Variants in LINGO2 observed in about 807,000 individuals in gnomAD.
LINGO2 encodes leucine rich repeat and Ig domain containing 2, also known as leucine-rich repeat and immunoglobulin-like domain-containing nogo receptor-interacting protein 2.
In LINGO2, 14 loss-of-function variants were observed where a neutral mutation model predicts 30.6. The ratio of observed to expected loss-of-function variants is 0.46; its 90% CI spans 0.30 to 0.72. LINGO2 has a LOEUF of 0.72. LINGO2 is among the 30% of genes least tolerant of loss of function. The pLI is 0.07. For missense variants in LINGO2, 729 were observed against 751.7 expected (o/e 0.97, Z 0.35); for synonymous variants, 317 against 288.5 (o/e 1.10, Z -1.00).
intron 4 of LINGO2, among the ~76,000 whole-genome samples, chr9:28,045,004 A>AGT (rs906383109): frequency 2.6e-4 from 39 of 152,184 alleles, no homozygotes; most frequent in Admixed American, 2.4e-3. Context: ...TCGTAATCCC[A>AGT]GTGTGCCAGT....
the LINGO2 span, among the ~76,000 whole-genome samples, chr9:29,087,432 A>T: frequency 2.6e-5 from 4 of 152,232 alleles, no homozygotes; most frequent in East Asian, 1.9e-4. Flanking sequence ...TGGAAACTAC[A>T]TTATACAGTT....
exon 6 of LINGO2, chr9:27,949,050 A>C: frequency 6.2e-7 from 1 of 1,614,108 alleles, no homozygotes; most frequent in Non-Finnish European, 8.5e-7. Flanking sequence ...AGACACCAGT[A>C]TTGTTTTAAG....
At chr9:29,031,911 T>A in the LINGO2 span, among the ~76,000 whole-genome samples, 1 of 152,228 alleles carries the variant, frequency 6.6e-6, no homozygotes, top group East Asian at 1.9e-4. Flanking sequence ...AAATAGTGAA[T>A]TGTAGGTGAC....
intron 3 of LINGO2, among the ~76,000 whole-genome samples, chr9:28,315,414 A>AT (rs1824806692): frequency 6.6e-6 from 1 of 151,942 alleles, no homozygotes; most frequent in African/African-American, 2.4e-5. Context: ...GGAAAAAAAA[A>AT]AAAAAATGAC....
chr9:29,005,314 T>TAC, the LINGO2 span, among the ~76,000 whole-genome samples: 281 of 151,248 alleles, frequency 1.9e-3, 1 homozygote, highest in African/African-American at 6.3e-3. Flanking sequence ...CACACTTAAA[T>TAC]ACACACACAC....
chr9:28,919,338 T>C, the LINGO2 span, among the ~76,000 whole-genome samples: 9 of 152,166 alleles, frequency 5.9e-5, no homozygotes, highest in Non-Finnish European at 1.0e-4. Flanking sequence ...TTACTACATT[T>C]TCTGCCTCAG....
intron 2 of LINGO2, among the ~76,000 whole-genome samples, chr9:28,419,462 G>A (rs1308999254): frequency 2.6e-5 from 4 of 152,002 alleles, no homozygotes; most frequent in Admixed American, 2.0e-4. Context: ...AATGTAAGCT[G>A]TTGTATAAAG....
the LINGO2 span, among the ~76,000 whole-genome samples, chr9:29,097,583 G>A: frequency 7.2e-6 from 1 of 138,458 alleles, no homozygotes; most frequent in Non-Finnish European, 1.6e-5. Context: ...AAACTTTACT[G>A]TTACACCAAT....
the LINGO2 span, among the ~76,000 whole-genome samples, chr9:28,702,496 T>C: frequency 6.6e-6 from 1 of 151,892 alleles, no homozygotes; most frequent in African/African-American, 2.4e-5. Flanking sequence ...CACTTGGTTC[T>C]GTTGTATAAT....
intron 3 of LINGO2, among the ~76,000 whole-genome samples, chr9:28,297,163 C>T (rs1228030687): frequency 2.0e-5 from 3 of 152,036 alleles, no homozygotes; most frequent in Admixed American, 6.6e-5. Flanking sequence ...AGTGACTTAG[C>T]GCCACTTCTC....
chr9:28,510,949 T>C (rs1044044757), intron 1 of LINGO2, among the ~76,000 whole-genome samples: 3 of 152,194 alleles, frequency 2.0e-5, no homozygotes, highest in African/African-American at 7.2e-5. Context: ...GGGAGAAAGA[T>C]ATAGACTGTG....
chr9:28,916,665 GTC>G, the LINGO2 span, among the ~76,000 whole-genome samples: 1 of 152,166 alleles, frequency 6.6e-6, no homozygotes, highest in Non-Finnish European at 1.5e-5. Context: ...TGACGTTTAT[GTC>G]TCTCTATAAC....
At chr9:28,243,355 G>A (rs1384893064) in intron 4 of LINGO2, among the ~76,000 whole-genome samples, 2 of 151,892 alleles carry the variant, frequency 1.3e-5, no homozygotes, top group East Asian at 1.9e-4. Flanking sequence ...AGCTACTCAG[G>A]AGGCTGAGGC....
At position 28,122,425 on chromosome 9, in the gene LINGO2, T is replaced by C. The variant is rs1360462173; in HGVS notation, c.-86-110020A>G. 2.0e-5 allele frequency among the ~76,000 whole-genome samples: 3 copies of C among 152,334 alleles called. No homozygotes were observed. The East Asian group carries it at 5.8e-4, about 29-fold the overall frequency. Reference sequence around the variant, plus strand: ...CATTCCAAATAAATGAAAAATCTTATTGAAACTCACATCTTACAGGATACC... The same window carrying C: ...CATTCCAAATAAATGAAAAATCTTACTGAAACTCACATCTTACAGGATACC... On this transcript the variant is annotated intron_variant, in intron 4 of 5. Coordinates refer to ENST00000379992, the Ensembl canonical transcript of LINGO2.
At chr9:27,999,591 T>G (rs1326537853) in intron 5 of LINGO2, among the ~76,000 whole-genome samples, 2 of 152,158 alleles carry the variant, frequency 1.3e-5, no homozygotes, top group African/African-American at 4.8e-5. Context: ...AGTGGGTCAC[T>G]TCTTTCCTCT....
At chr9:28,560,392 G>T (rs1314788019) in intron 1 of LINGO2, among the ~76,000 whole-genome samples, 1 of 152,026 alleles carries the variant, frequency 6.6e-6, no homozygotes, top group East Asian at 1.9e-4. Flanking sequence ...AATTCTTCAG[G>T]CTATCAGCCT....
chr9:28,755,856 G>C, the LINGO2 span, among the ~76,000 whole-genome samples: 1 of 152,050 alleles, frequency 6.6e-6, no homozygotes, highest in African/African-American at 2.4e-5. Flanking sequence ...ATTTGCACTG[G>C]TGGAGATAAT....
rs1457190225 is a variant in LINGO2, at chr9:28,091,666, A to G, written c.-86-79261T>C. Among the ~76,000 whole-genome samples, 4 of 152,180 alleles carry G rather than the reference A, an allele frequency of 2.6e-5. No homozygotes were observed. The East Asian group carries it at 7.7e-4, about 29-fold the overall frequency. On this transcript the variant is annotated intron_variant, in intron 4 of 5. Transcript: ENST00000379992. ...CAAGGACTTCATGTCTAAAACACCA[A>G]AAGCAATGGCAACAAAAGCCAATAT...
intron 3 of LINGO2, among the ~76,000 whole-genome samples, chr9:28,298,215 T>G (rs2134195553): frequency 6.6e-6 from 1 of 151,930 alleles, no homozygotes; most frequent in Non-Finnish European, 1.5e-5. Context: ...TAAAATGCTC[T>G]TAGATAGTAG....
Sources: allele counts gnomAD v4.1 joint callset (sites outside exome capture counted in the v4.1 genomes callset), GRCh38; gene constraint gnomAD v4.1.1; transcripts MANE v1.5; gene names NCBI Gene and HGNC (gene_info 2026-07-23, HGNC 2026-07-21).